The following AGAP1 variants were observed in gnomAD, a reference collection of about 807,000 sequenced individuals.
The protein encoded by AGAP1 is arf-GAP with GTPase, ANK repeat and PH domain-containing protein 1.
In AGAP1, 29 loss-of-function variants were observed where a neutral mutation model predicts 105.3. The ratio of observed to expected loss-of-function variants is 0.28; its 90% CI spans 0.21 to 0.38. The LOEUF is 0.38. Ranked by LOEUF, AGAP1 falls within the 10% of genes least tolerant of loss-of-function variation. The pLI is 1.00. For missense variants in AGAP1, 998 were observed against 1,165.1 expected (o/e 0.86, Z 2.09); for synonymous variants, 509 against 485.9 (o/e 1.05, Z -0.63).
At chr2:236,100,850 T>C (rs560901616) in intron 16 of AGAP1, among the ~76,000 whole-genome samples, 84 of 150,270 alleles carry the variant, frequency 5.6e-4, no homozygotes, top group Non-Finnish European at 8.4e-4. Flanking sequence ...AAAAAAAAAA[T>C]TAGTTGAGAA....
rs1415521944 is a variant in AGAP1, at chr2:236,129,757, C to CGCA, written c.*5636_*5638dup. The CGCA allele has an allele frequency of 6.6e-6, 1 of 152,200 alleles. No homozygotes were observed. The highest frequency in any genetic ancestry group is 1.5e-5 in the Non-Finnish European group (1 of 68,050). The allele number at this position is 152,200 out of a possible 1,614,324, so 9.4% of individuals were successfully genotyped here. A position where few individuals can be genotyped will look rare whatever the true frequency, so the allele number is the denominator to read the frequency against. ...TGCGGCTTTCTTCGCGTCACATGTC[C>CGCA]GCATTGGCAGGTGATTCTGGAAAGG... On this transcript the variant is annotated 3_prime_UTR_variant, in exon 18 of 18. Coordinates refer to ENST00000304032, the MANE Select transcript of AGAP1 (RefSeq NM_001037131.3). This position sits in a 1 kb window ranked among gnomAD's most constrained non-coding sequence, Gnocchi z 6.2.
At chr2:236,015,228 A>C (rs978421096) in intron 13 of AGAP1, among the ~76,000 whole-genome samples, 3 of 152,186 alleles carry the variant, frequency 2.0e-5, no homozygotes, top group African/African-American at 7.2e-5. Flanking sequence ...CAGTTTTTAA[A>C]AGTGTTAGTA....
In AGAP1 at chr2:235,777,030, C is replaced by T. The variant is rs917578374; in HGVS notation, c.674-20729C>T. Reference sequence around the variant, plus strand: ...CATGTGAGCGTCTGCTCTTGAGAGGCCAGGCTGGATCCTGCAGAGAAACGA... The same window carrying T: ...CATGTGAGCGTCTGCTCTTGAGAGGTCAGGCTGGATCCTGCAGAGAAACGA... On this transcript the variant is annotated intron_variant, in intron 6 of 17. Transcript: ENST00000304032. This position sits in a 1 kb window ranked among gnomAD's most constrained non-coding sequence, Gnocchi z 5.1. 2.1e-6 allele frequency: 1 copy of T among 471,160 alleles called. No homozygotes were observed. Among genetic ancestry groups the T allele is most frequent in the Non-Finnish European group, 4.4e-6 (1 of 227,054 alleles). 29.2% of individuals were successfully genotyped at this position (471,160 alleles called of 1,614,324 possible).
rs1324859339 is a variant in AGAP1 at position 235,875,876 on chromosome 2, G to C, written c.1051-7469G>C. Among the ~76,000 whole-genome samples, 1 of 152,126 alleles carries C rather than the reference G, an allele frequency of 6.6e-6. No individual in the cohort carries two copies. The highest frequency in any genetic ancestry group is 2.4e-5 in the African/African-American group (1 of 41,426). ...GGACTTCTAAATTTTTATTCAATGG[G>C]TAAATGTCTTTTTATTTCATTTTAA... On this transcript the variant is annotated intron_variant, in intron 9 of 17. Coordinates refer to ENST00000304032, the MANE Select transcript of AGAP1 (RefSeq NM_001037131.3). The surrounding 1 kb of genome is among the most constrained non-coding windows in gnomAD (Gnocchi z 4.0).
In AGAP1 at chr2:236,020,546, G is replaced by T. The variant is rs370727825; in HGVS notation, c.1646-16015G>T. ...ATCCCCTCTCTGCCACTTCCCAGCT[G>T]TGTGGCTTGGGATGCTTTCCTGGGT... On this transcript the variant is annotated intron_variant, in intron 13 of 17. Coordinates refer to ENST00000304032, the MANE Select transcript of AGAP1 (RefSeq NM_001037131.3). The surrounding 1 kb of genome is among the most constrained non-coding windows in gnomAD (Gnocchi z 5.0). Among the ~76,000 whole-genome samples, 1 of 152,172 alleles carries T rather than the reference G, an allele frequency of 6.6e-6. No homozygotes were observed. The highest frequency in any genetic ancestry group is 1.5e-5 in the Non-Finnish European group (1 of 68,038).
At chr2:235,573,035 T>TC (rs1559258774) in intron 1 of AGAP1, among the ~76,000 whole-genome samples, 428 of 19,190 alleles carry the variant, frequency 0.022, 89 homozygotes, top group East Asian at 0.19. Flanking sequence ...TTCTTCTTCT[T>TC]CTTCTTCTTC....
rs181053561 is a variant in AGAP1, at chr2:235,753,063, C to G, written c.673+2575C>G. 7.7e-4 allele frequency among the ~76,000 whole-genome samples: 117 copies of G among 152,300 alleles called. No homozygotes were observed. The highest frequency in any genetic ancestry group is 2.7e-3 in the African/African-American group (112 of 41,564). On this transcript the variant is annotated intron_variant, in intron 6 of 17. Coordinates refer to ENST00000304032, the MANE Select transcript of AGAP1 (RefSeq NM_001037131.3). This position sits in a 1 kb window ranked among gnomAD's most constrained non-coding sequence, Gnocchi z 4.5. The stretch of plus-strand genomic sequence containing the variant: ...CATCACAGGGTTCCACCCTTGTGAT[C>G]AGTCACCTGGCAGAGGCCCCACCTC...
intron 2 of AGAP1, among the ~76,000 whole-genome samples, chr2:235,715,317 G>T (rs185582659): frequency 1.3e-5 from 2 of 152,178 alleles, no homozygotes; most frequent in Admixed American, 6.5e-5. Flanking sequence ...GTCTTGGCCC[G>T]TATCCAGAGA....
At position 235,842,092 on chromosome 2, in the gene AGAP1, A is replaced by G. The variant is rs553175542; in HGVS notation, c.1050+34761A>G. 2.3e-4 allele frequency among the ~76,000 whole-genome samples: 35 copies of G among 152,292 alleles called. 1 individual carries two copies. The highest frequency in any genetic ancestry group is 6.3e-4 in the African/African-American group (26 of 41,564). On this transcript the variant is annotated intron_variant, in intron 9 of 17. Transcript: ENST00000304032. This position sits in a 1 kb window ranked among gnomAD's most constrained non-coding sequence, Gnocchi z 5.3. Reference sequence around the variant, plus strand: ...GAGGAGGGCCTCTCGTTGGAAGCCCAGGCTCACTCCATGGCTGCCCCTCTC... The same window carrying G: ...GAGGAGGGCCTCTCGTTGGAAGCCCGGGCTCACTCCATGGCTGCCCCTCTC...
At position 236,124,391 on chromosome 2, in the gene AGAP1, C is replaced by G; in HGVS notation, c.*269C>G. 1 of 517,534 alleles carries G rather than the reference C, an allele frequency of 1.9e-6. No homozygotes were observed. Among genetic ancestry groups the G allele is most frequent in the Non-Finnish European group, 3.5e-6 (1 of 284,784 alleles). The allele number at this position is 517,534 out of a possible 1,614,324, so 32.1% of individuals were successfully genotyped here. On this transcript the variant is annotated 3_prime_UTR_variant, in exon 18 of 18. Transcript: ENST00000304032. The surrounding 1 kb of genome is among the most constrained non-coding windows in gnomAD (Gnocchi z 5.1). ...CAGGAGAGAGCGACGGGCCTCGGCC[C>G]TTTGATGATAGCACATGGCGCAGGA...
At chr2:235,776,843 G>T (rs187698845) in intron 6 of AGAP1, 2 of 466,712 alleles carry the variant, frequency 4.3e-6, no homozygotes, top group Non-Finnish European at 8.8e-6. Flanking sequence ...CCAACTCGGA[G>T]CCCCTTTTCC....
At chr2:235,572,005 T>TACACACAC (rs1559257500) in intron 1 of AGAP1, among the ~76,000 whole-genome samples, 2,938 of 74,448 alleles carry the variant, frequency 0.039, 40 homozygotes, top group African/African-American at 0.06. Context: ...CACACACACT[T>TACACACAC]TTTTTTTTTT....
chr2:236,048,679 T>C (rs1444338553), intron 15 of AGAP1, among the ~76,000 whole-genome samples: 1 of 152,192 alleles, frequency 6.6e-6, no homozygotes, highest in African/African-American at 2.4e-5. Flanking sequence ...TCTCCTTCCC[T>C]CTCAGCAGCA....
chr2:235,695,742 C>T (rs915716574), intron 1 of AGAP1, among the ~76,000 whole-genome samples: 1 of 152,178 alleles, frequency 6.6e-6, no homozygotes. Context: ...AGAGGTAAGT[C>T]AGCAGGGGCA....
intron 6 of AGAP1, chr2:235,783,409 G>A (rs899584900): frequency 6.2e-5 from 29 of 470,630 alleles, no homozygotes; most frequent in Middle Eastern, 6.5e-4. Flanking sequence ...TTGATAATCA[G>A]GTGTTGCTTT....
At chr2:236,024,440 T>C (rs2056987499) in intron 13 of AGAP1, among the ~76,000 whole-genome samples, 1 of 152,134 alleles carries the variant, frequency 6.6e-6, no homozygotes, top group South Asian at 2.1e-4. Flanking sequence ...CCCCAGACCC[T>C]TTCCCTGAGA....
chr2:236,011,278 T>C (rs900513685), intron 13 of AGAP1, among the ~76,000 whole-genome samples: 1 of 152,244 alleles, frequency 6.6e-6, no homozygotes, highest in African/African-American at 2.4e-5. Context: ...CTGACTGTTC[T>C]GCCTACCCAG....
chr2:235,929,669 G>A (rs1453574430), intron 11 of AGAP1, among the ~76,000 whole-genome samples: 1 of 152,082 alleles, frequency 6.6e-6, no homozygotes, highest in Non-Finnish European at 1.5e-5. Context: ...GGGAGACCTG[G>A]TTCCTGCCTC....
In AGAP1 at chr2:235,872,565, C is replaced by T. The variant is rs1057084533; in HGVS notation, c.1051-10780C>T. 6.6e-6 allele frequency among the ~76,000 whole-genome samples: 1 copy of T among 152,204 alleles called. No individual in the cohort carries two copies. Among genetic ancestry groups the T allele is most frequent in the African/African-American group, 2.4e-5 (1 of 41,448 alleles). On this transcript the variant is annotated intron_variant, in intron 9 of 17. Coordinates refer to ENST00000304032, the MANE Select transcript of AGAP1 (RefSeq NM_001037131.3). This position sits in a 1 kb window ranked among gnomAD's most constrained non-coding sequence, Gnocchi z 4.5. Reference sequence around the variant, plus strand: ...AGAGCCTTCCGGCCTCTGTCATCTTCTGGCCAGTAGGATCACGGCTTCATG... The same window carrying T: ...AGAGCCTTCCGGCCTCTGTCATCTTTTGGCCAGTAGGATCACGGCTTCATG...
Sources: allele counts gnomAD v4.1 joint callset (sites outside exome capture counted in the v4.1 genomes callset), GRCh38; gene constraint gnomAD v4.1.1; non-coding constraint Gnocchi (gnomAD v3.1); transcripts MANE v1.5; gene names NCBI Gene and HGNC (gene_info 2026-07-23, HGNC 2026-07-21).